The following HDAC8 variants were observed in gnomAD, a reference collection of about 807,000 sequenced individuals.
HDAC8 encodes the protein histone deacetylase 8.
In HDAC8, 1 loss-of-function variant was observed where a neutral mutation model predicts 32.2. The observed-to-expected ratio is 0.03, with a 90% CI of 0.01 to 0.15. HDAC8 has a LOEUF of 0.15. Ranked by LOEUF, HDAC8 falls within the 10% of genes least tolerant of loss-of-function variation. The probability of loss-of-function intolerance (pLI) is 1.00; values close to 1 mark genes in which losing one functional copy is unlikely to be tolerated. For missense variants in HDAC8, 117 were observed against 300.0 expected (o/e 0.39, Z 4.51); for synonymous variants, 108 against 113.9 (o/e 0.95, Z 0.33).
intron 4 of HDAC8, among the ~76,000 whole-genome samples, chrX:72,517,350 A>T (rs1199418941): frequency 8.9e-6 from 1 of 112,146 alleles, no homozygotes; most frequent in Non-Finnish European, 1.9e-5. Context: ...TATAATTTGC[A>T]AATGCTTTTT....
At chrX:72,477,005 C>G (rs2048354820) in intron 7 of HDAC8, among the ~76,000 whole-genome samples, 1 of 111,890 alleles carries the variant, frequency 8.9e-6, no homozygotes, top group African/African-American at 3.2e-5. Flanking sequence ...TCACCAAACA[C>G]AAAATTCGCT....
At chrX:72,365,012 G>A (rs1414887744) in intron 9 of HDAC8, among the ~76,000 whole-genome samples, 2 of 112,093 alleles carry the variant, frequency 1.8e-5, no homozygotes, top group African/African-American at 3.2e-5. Flanking sequence ...GGGAGAGCCC[G>A]ATAGAAAGCA....
chrX:72,410,610 A>G, intron 9 of HDAC8, among the ~76,000 whole-genome samples: 1 of 111,841 alleles, frequency 8.9e-6, no homozygotes, highest in Non-Finnish European at 1.9e-5. Flanking sequence ...AAGAGGTTCC[A>G]CATTCAAAAG....
intron 4 of HDAC8, among the ~76,000 whole-genome samples, chrX:72,550,094 A>G (rs904622367): frequency 1.8e-5 from 2 of 111,801 alleles, no homozygotes; most frequent in Non-Finnish European, 3.8e-5. Flanking sequence ...AAATTTGTGT[A>G]TGTAGATTTT....
chrX:72,463,224 GTATT>G (rs782539795), intron 8 of HDAC8, among the ~76,000 whole-genome samples: 4 of 111,773 alleles, frequency 3.6e-5, no homozygotes, highest in Admixed American at 2.9e-4. Context: ...TTCGGCATGA[GTATT>G]TAATTTCAAA....
intron 9 of HDAC8, among the ~76,000 whole-genome samples, chrX:72,453,504 G>GAAAGAAAGAAAGAAAGAAAGAAAGAAAGA (rs1231857027): frequency 1.8e-5 from 2 of 108,208 alleles, no homozygotes; most frequent in African/African-American, 6.7e-5. Flanking sequence ...AAGAAAGAAA[G>GAAAGAAAGAAAGAAAGAAAGAAAGAAAGA]AAAGAAAGAA....
intron 9 of HDAC8, among the ~76,000 whole-genome samples, chrX:72,385,884 G>A (rs1314860016): frequency 8.9e-6 from 1 of 112,067 alleles, no homozygotes; most frequent in African/African-American, 3.2e-5. Context: ...CTTACTCACT[G>A]TACTCTACCG....
intron 4 of HDAC8, among the ~76,000 whole-genome samples, chrX:72,559,062 C>G (rs1464828846): frequency 1.7e-5 from 1 of 59,531 alleles, no homozygotes; most frequent in African/African-American, 6.3e-5. Context: ...CCCCCCCTCC[C>G]CCTCCCCACG....
intron 9 of HDAC8, among the ~76,000 whole-genome samples, chrX:72,398,503 C>CT (rs1298288861): frequency 2.2e-4 from 22 of 101,662 alleles, no homozygotes; most frequent in Non-Finnish European, 2.2e-4. Flanking sequence ...TTTTTTTTTT[C>CT]TTTTTTTTTT....
intron 9 of HDAC8, among the ~76,000 whole-genome samples, chrX:72,439,566 C>T (rs1394897141): frequency 9.4e-6 from 1 of 106,267 alleles, no homozygotes; most frequent in African/African-American, 3.5e-5. Flanking sequence ...ATTCAGGAGG[C>T]CCATCTCACG....
Position 72,503,191 on chromosome X carries a change from G to A in HDAC8, c.438-7923C>T, listed in dbSNP as rs192439807. On this transcript the variant is annotated intron_variant, in intron 4 of 10. Transcript: ENST00000373573. ...AAGCACTTGCATCAGCTACAAGCTA[G>A]AGGGCTTCATCTTCAACAAAGCACT... 3.6e-5 allele frequency among the ~76,000 whole-genome samples: 4 copies of A among 112,059 alleles called. No individual in the cohort carries two copies. The East Asian group carries it at 1.1e-3, about 31-fold the overall frequency.
intron 9 of HDAC8, among the ~76,000 whole-genome samples, chrX:72,371,086 TTA>T (rs1427665584): frequency 8.9e-5 from 10 of 111,970 alleles, no homozygotes; most frequent in Non-Finnish European, 1.9e-4. Flanking sequence ...GGTATTGTGT[TTA>T]TGTTAAGAAA....
At chrX:72,491,694 T>C (rs782611024) in intron 5 of HDAC8, among the ~76,000 whole-genome samples, 1 of 111,625 alleles carries the variant, frequency 9.0e-6, no homozygotes, top group East Asian at 2.8e-4. Context: ...CTGTTTTCCA[T>C]TTTAACTTAG....
chrX:72,547,563 A>G (rs2050901927), intron 4 of HDAC8, among the ~76,000 whole-genome samples: 1 of 110,051 alleles, frequency 9.1e-6, no homozygotes, highest in East Asian at 2.8e-4. Flanking sequence ...ATTTCCCTAT[A>G]TATTACCTCT....
At chrX:72,475,154 C>T (rs782358730) in intron 7 of HDAC8, among the ~76,000 whole-genome samples, 4 of 111,160 alleles carry the variant, frequency 3.6e-5, no homozygotes, top group Non-Finnish European at 7.5e-5. Flanking sequence ...TCATGCTTTC[C>T]AACAGACACT....
intron 9 of HDAC8, among the ~76,000 whole-genome samples, chrX:72,394,652 G>A (rs1444656802): frequency 8.9e-6 from 1 of 112,009 alleles, no homozygotes; most frequent in African/African-American, 3.2e-5. Flanking sequence ...CAGTGCGTGG[G>A]TAAGCACTTT....
chrX:72,415,263 A>G (rs781951540), intron 9 of HDAC8, among the ~76,000 whole-genome samples: 1 of 111,800 alleles, frequency 8.9e-6, no homozygotes, highest in Non-Finnish European at 1.9e-5. Flanking sequence ...GTGTGGGTCT[A>G]TTTCTGGGAT....
chrX:72,498,860 G>T (rs782258091), intron 4 of HDAC8, among the ~76,000 whole-genome samples: 1 of 111,383 alleles, frequency 9.0e-6, no homozygotes, highest in East Asian at 2.8e-4. Flanking sequence ...GTTGAAATTT[G>T]ATCCCCAGTG....
chrX:72,380,993 T>C (rs1368123161), intron 9 of HDAC8, among the ~76,000 whole-genome samples: 1 of 111,844 alleles, frequency 8.9e-6, no homozygotes, highest in Non-Finnish European at 1.9e-5. Context: ...TAATCACTAG[T>C]GGCTACTGGT....
Sources: allele counts gnomAD v4.1 joint callset (sites outside exome capture counted in the v4.1 genomes callset), GRCh38; gene constraint gnomAD v4.1.1; transcripts MANE v1.5; gene names NCBI Gene and HGNC (gene_info 2026-07-23, HGNC 2026-07-21).